The following GALNT13 variants were observed in gnomAD, a reference collection of about 807,000 sequenced individuals.
The protein encoded by GALNT13 is UDP-GalNAc:polypeptide N-acetylgalactosaminyltransferase 13.
In GALNT13, 28 loss-of-function variants were observed where a neutral mutation model predicts 64.2. The observed-to-expected ratio is 0.44, with a 90% CI of 0.32 to 0.60. The LOEUF (loss-of-function observed/expected upper bound fraction) is 0.60, where lower values mean the gene tolerates loss of function less well. Ranked by LOEUF, GALNT13 falls within the 20% of genes least tolerant of loss-of-function variation. The probability of loss-of-function intolerance (pLI) is 0.05; values close to 1 mark genes in which losing one functional copy is unlikely to be tolerated. For synonymous variants in GALNT13, 214 were observed against 224.6 expected (o/e 0.95, Z 0.42); for missense variants, 577 against 669.8 (o/e 0.86, Z 1.53).
chr2:153,306,093 A>C, the GALNT13 span, among the ~76,000 whole-genome samples: 1 of 152,192 alleles, frequency 6.6e-6, no homozygotes, highest in Non-Finnish European at 1.5e-5. Context: ...TAATCTGTTG[A>C]CTGGGGATTT....
the GALNT13 span, among the ~76,000 whole-genome samples, chr2:153,820,410 G>C: frequency 1.3e-5 from 2 of 152,034 alleles, no homozygotes; most frequent in East Asian, 3.9e-4. Flanking sequence ...ATACAAAATG[G>C]TCATCACTAA....
chr2:153,752,720 T>C, the GALNT13 span, among the ~76,000 whole-genome samples: 1 of 152,140 alleles, frequency 6.6e-6, no homozygotes, highest in Non-Finnish European at 1.5e-5. Context: ...TACTTTCAGT[T>C]AGTCTTCCTT....
chr2:154,032,864 C>CTTTTT (rs70981694), intron 3 of GALNT13, among the ~76,000 whole-genome samples: 3 of 110,086 alleles, frequency 2.7e-5, no homozygotes, highest in Admixed American at 1.0e-4. Flanking sequence ...CCTACATTTC[C>CTTTTT]TTTTTTTTTT....
chr2:153,219,125 T>G, the GALNT13 span, among the ~76,000 whole-genome samples: 1 of 152,222 alleles, frequency 6.6e-6, no homozygotes, highest in African/African-American at 2.4e-5. Flanking sequence ...ATTAATAGAC[T>G]GTATGCCTCA....
chr2:154,182,663 A>G (rs1015069963), intron 4 of GALNT13, among the ~76,000 whole-genome samples: 11 of 148,406 alleles, frequency 7.4e-5, no homozygotes, highest in Admixed American at 2.0e-4. Flanking sequence ...AATATGTATT[A>G]TATTTATATA....
At chr2:153,529,989 T>A in the GALNT13 span, among the ~76,000 whole-genome samples, 1 of 151,982 alleles carries the variant, frequency 6.6e-6, no homozygotes, top group African/African-American at 2.4e-5. Flanking sequence ...TGGGACATGA[T>A]AAGGAACATG....
At chr2:154,096,328 G>A (rs1407203206) in intron 3 of GALNT13, among the ~76,000 whole-genome samples, 1 of 151,954 alleles carries the variant, frequency 6.6e-6, no homozygotes, top group Non-Finnish European at 1.5e-5. Flanking sequence ...TTGGTAGTGT[G>A]GAGAAGGGAG....
At chr2:153,339,139 A>G in the GALNT13 span, among the ~76,000 whole-genome samples, 1 of 152,252 alleles carries the variant, frequency 6.6e-6, no homozygotes, top group Admixed American at 6.5e-5. Flanking sequence ...ATATATATCC[A>G]GTAATGGGAT....
the GALNT13 span, among the ~76,000 whole-genome samples, chr2:153,594,856 T>C: frequency 6.6e-6 from 1 of 152,054 alleles, no homozygotes; most frequent in Non-Finnish European, 1.5e-5. Context: ...AAATACATTC[T>C]CAAGCATTAA....
chr2:154,456,091 T>C (rs1702028649), downstream of GALNT13, among the ~76,000 whole-genome samples: 1 of 152,036 alleles, frequency 6.6e-6, no homozygotes, highest in South Asian at 2.1e-4. Context: ...TGCTGAAATT[T>C]CTGCTAAAAA....
chr2:153,451,615 G>C, the GALNT13 span, among the ~76,000 whole-genome samples: 9 of 152,190 alleles, frequency 5.9e-5, 1 homozygote, highest in Admixed American at 5.9e-4. Context: ...AATGCACTCC[G>C]ATGTGCTCCA....
At chr2:153,464,628 T>C in the GALNT13 span, among the ~76,000 whole-genome samples, 2 of 151,996 alleles carry the variant, frequency 1.3e-5, no homozygotes, top group East Asian at 3.9e-4. Flanking sequence ...AAGCAAGATA[T>C]CAAGATGACA....
chr2:153,456,556 G>A, the GALNT13 span, among the ~76,000 whole-genome samples: 1 of 152,152 alleles, frequency 6.6e-6, no homozygotes, highest in Non-Finnish European at 1.5e-5. Flanking sequence ...CCATTTGTGT[G>A]TACTGAAACC....
chr2:153,372,998 A>T, the GALNT13 span, among the ~76,000 whole-genome samples: 2 of 152,196 alleles, frequency 1.3e-5, no homozygotes, highest in Non-Finnish European at 2.9e-5. Flanking sequence ...TGCATAAGAC[A>T]GTAGAGATAA....
At chr2:153,385,478 A>G in the GALNT13 span, among the ~76,000 whole-genome samples, 1 of 152,064 alleles carries the variant, frequency 6.6e-6, no homozygotes, top group African/African-American at 2.4e-5. Context: ...GTGGAATCTA[A>G]AAGTCAAAAC....
the GALNT13 span, among the ~76,000 whole-genome samples, chr2:153,339,581 A>T: frequency 6.6e-6 from 1 of 152,028 alleles, no homozygotes; most frequent in Non-Finnish European, 1.5e-5. Flanking sequence ...TACTCCGTTG[A>T]TTGTTTTCAT....
intron 1 of GALNT13, among the ~76,000 whole-genome samples, chr2:153,890,215 G>A (rs896012938): frequency 4.6e-5 from 7 of 151,928 alleles, no homozygotes; most frequent in Non-Finnish European, 8.8e-5. Flanking sequence ...AATTACAAAT[G>A]TATAAATTAC....
chr2:153,476,355 G>T, the GALNT13 span, among the ~76,000 whole-genome samples: 1 of 152,176 alleles, frequency 6.6e-6, no homozygotes, highest in African/African-American at 2.4e-5. Context: ...AGCTGCCATT[G>T]TGAAGTCTTT....
intron 9 of GALNT13, among the ~76,000 whole-genome samples, chr2:154,312,342 A>G (rs544649481): frequency 7.2e-5 from 11 of 152,282 alleles, no homozygotes; most frequent in African/African-American, 2.4e-4. Context: ...TTTTTCCCCA[A>G]TTGCTGGTAG....
Sources: gnomAD v4.1 joint callset for allele counts (sites outside exome capture counted in the v4.1 genomes callset) on GRCh38, gnomAD v4.1.1 for gene constraint, MANE v1.5 for transcripts, NCBI Gene and HGNC (gene_info 2026-07-23, HGNC 2026-07-21) for gene names.